Variants in MRPS35 observed in about 807,000 individuals in gnomAD.
The protein encoded by MRPS35 is mitochondrial ribosomal protein S35.
MRPS35 carries 29 observed loss-of-function variants against 32.7 expected under a neutral mutation model. The ratio of observed to expected loss-of-function variants is 0.89; its 90% CI spans 0.66 to 1.21. The LOEUF (loss-of-function observed/expected upper bound fraction) is 1.21. Among genes scored for constraint, MRPS35 ranks in the 50% most tolerant of loss-of-function variants. The pLI, the probability that MRPS35 is intolerant of heterozygous loss-of-function variation, is 0.00. For missense variants in MRPS35, 373 were observed against 383.8 expected (o/e 0.97, Z 0.23); for synonymous variants, 148 against 139.3 (o/e 1.06, Z -0.44).
At chr12:27,730,281 G>A (rs2061916563) in intron 5 of MRPS35, among the ~76,000 whole-genome samples, 1 of 152,130 alleles carries the variant, frequency 6.6e-6, no homozygotes, top group Non-Finnish European at 1.5e-5. Flanking sequence ...TGGGTGTGAT[G>A]TTTCTCAGAC....
intron 5 of MRPS35, among the ~76,000 whole-genome samples, chr12:27,731,143 T>C (rs2061920695): frequency 6.6e-6 from 1 of 152,226 alleles, no homozygotes; most frequent in South Asian, 2.1e-4. Flanking sequence ...CCAGTGACTC[T>C]TCTGTTCCTT....
At chr12:27,730,405 A>C (rs977970867) in intron 5 of MRPS35, among the ~76,000 whole-genome samples, 5 of 152,164 alleles carry the variant, frequency 3.3e-5, no homozygotes, top group Non-Finnish European at 7.3e-5. Flanking sequence ...ATAAAGTGCC[A>C]TTCTCATCAC....
At chr12:27,711,325 A>G (rs997221147) in intron 1 of MRPS35, among the ~76,000 whole-genome samples, 1 of 152,256 alleles carries the variant, frequency 6.6e-6, no homozygotes, top group African/African-American at 2.4e-5. Flanking sequence ...TAAGAGAGTC[A>G]TACGGCTGTG....
At chr12:27,715,922 T>G (rs1373640934) in intron 2 of MRPS35, among the ~76,000 whole-genome samples, 1 of 152,194 alleles carries the variant, frequency 6.6e-6, no homozygotes, top group Non-Finnish European at 1.5e-5. Flanking sequence ...CGCCCCCTCA[T>G]GTACTACTGA....
intron 5 of MRPS35, among the ~76,000 whole-genome samples, chr12:27,728,015 A>G (rs1261119356): frequency 6.6e-6 from 1 of 151,954 alleles, no homozygotes; most frequent in Non-Finnish European, 1.5e-5. Flanking sequence ...TTATATTGTT[A>G]TTTTTTCTGA....
At chr12:27,744,720 C>T (rs576571691) in intron 7 of MRPS35, among the ~76,000 whole-genome samples, 8 of 152,218 alleles carry the variant, frequency 5.3e-5, no homozygotes, top group Middle Eastern at 3.4e-3. Context: ...CCCATGAGTC[C>T]GAGCATTAGT....
chr12:27,737,402 C>T (rs117703429), intron 6 of MRPS35, 137 bp from the exon 7 acceptor site: 8,575 of 665,728 alleles, frequency 0.013, 85 homozygotes, highest in Non-Finnish European at 0.015. Flanking sequence ...TATTTTTATT[C>T]CAAAAACAGT....
chr12:27,728,106 A>T (rs1353026642), intron 5 of MRPS35, among the ~76,000 whole-genome samples: 1 of 152,070 alleles, frequency 6.6e-6, no homozygotes, highest in Admixed American at 6.5e-5. Flanking sequence ...CTAACTGGAT[A>T]TGGTGTGAAG....
chr12:27,711,167 G>T (rs1042514965), intron 1 of MRPS35, among the ~76,000 whole-genome samples: 4 of 152,204 alleles, frequency 2.6e-5, no homozygotes, highest in African/African-American at 9.7e-5. Context: ...TGCCCTGGGT[G>T]CTCTGGGAGT....
In MRPS35 at chr12:27,716,439, G is replaced by A. The variant is rs1383530854; in HGVS notation, c.302G>A (p.Gly101Glu). The stretch of plus-strand genomic sequence containing the variant: ...AAGGGCGTGCCCATGGCAAAGGAGG[G>A]AAATCTAGAACTTTTAAAGGTAAGA... ...VKKGVPMAKE[G>E]NLELLKIPNF... is the part of the protein sequence containing the mutation. Residue 101 changes from glycine (G) to glutamate (E), a missense_variant, in exon 3 of 8, where the codon GGA (glycine) becomes GAA (glutamate). Transcript: ENST00000081029. 6.2e-7 allele frequency: 1 copy of A among 1,614,080 alleles called. No homozygotes were observed. Among genetic ancestry groups the A allele is most frequent in the South Asian group, 1.1e-5 (1 of 91,072 alleles).
intron 4 of MRPS35, among the ~76,000 whole-genome samples, chr12:27,723,286 T>C (rs1177532737): frequency 1.3e-5 from 2 of 152,130 alleles, no homozygotes; most frequent in African/African-American, 4.8e-5. Flanking sequence ...TTTTTTTTTT[T>C]TCCCATTAGG....
chr12:27,711,370 C>T (rs2140747321), intron 1 of MRPS35, among the ~76,000 whole-genome samples: 1 of 152,304 alleles, frequency 6.6e-6, no homozygotes, highest in East Asian at 1.9e-4. Flanking sequence ...TCCAGGCCAC[C>T]AAATGGGCGG....
chr12:27,741,202 C>G (rs1195266413), intron 7 of MRPS35, among the ~76,000 whole-genome samples: 2 of 151,900 alleles, frequency 1.3e-5, no homozygotes, highest in Non-Finnish European at 2.9e-5. Flanking sequence ...AAAAAATAAG[C>G]AAGGAGAGTT....
At chr12:27,729,546 A>C (rs751126177) in intron 5 of MRPS35, among the ~76,000 whole-genome samples, 1 of 152,108 alleles carries the variant, frequency 6.6e-6, no homozygotes, top group Non-Finnish European at 1.5e-5. Context: ...AGTATGAGGT[A>C]GGATTTCAGT....
At chr12:27,714,972 T>C in intron 2 of MRPS35, 152 bp downstream of exon 2, 1 of 651,760 alleles carries the variant, frequency 1.5e-6, no homozygotes, top group South Asian at 2.1e-5. Flanking sequence ...AGGTTAGTCT[T>C]TGTTTTTTGT....
At chr12:27,714,634 CAA>C (rs531429538) in intron 1 of MRPS35, 144 bp from the exon 2 acceptor site, 14,184 of 347,302 alleles carry the variant, frequency 0.041, no homozygotes, top group South Asian at 0.052. Context: ...CTGAGCTTAC[CAA>C]AAAAAAAAAA....
chr12:27,717,298 T>G (rs1024532201), intron 3 of MRPS35, among the ~76,000 whole-genome samples: 2 of 152,222 alleles, frequency 1.3e-5, no homozygotes, highest in Admixed American at 6.5e-5. Flanking sequence ...AATTTAAATT[T>G]TTTCTGTCCA....
At position 27,737,607 on chromosome 12, in the gene MRPS35, G is replaced by C. The variant is rs758725445; in HGVS notation, c.701G>C (p.Trp234Ser). Reference sequence around the variant, plus strand: ...CTAACAGTGTTATACCATGAGTCTTGGGTAAGTGTGTGTGAATATTTAATG... The same window carrying C: ...CTAACAGTGTTATACCATGAGTCTTCGGTAAGTGTGTGTGAATATTTAATG... ...YLLTVLYHES[W>S]NTEEWEKSKT... is the part of the protein sequence containing the mutation. Residue 234 changes from tryptophan (W) to serine (S), a missense_variant and splice_region_variant, in exon 7 of 8, where the codon TGG (tryptophan) becomes TCG (serine). By Grantham distance (177) the Trp-to-Ser change is radical (BLOSUM62 -3). Transcript: ENST00000081029. 3.7e-6 allele frequency: 6 copies of C among 1,601,578 alleles called. 1 individual carries two copies. The East Asian group carries it at 1.3e-4, about 36-fold the overall frequency.
At chr12:27,713,106 T>C (rs980548965) in intron 1 of MRPS35, among the ~76,000 whole-genome samples, 6 of 152,244 alleles carry the variant, frequency 3.9e-5, no homozygotes, top group East Asian at 1.9e-4. Flanking sequence ...CTCTCTGTTC[T>C]GTTCTTAAAT....
Sources: gnomAD v4.1 joint callset for allele counts (sites outside exome capture counted in the v4.1 genomes callset) on GRCh38, gnomAD v4.1.1 for gene constraint, MANE v1.5 for transcripts, NCBI Gene and HGNC (gene_info 2026-07-23, HGNC 2026-07-21) for gene names.